GRIK1: variants seen among roughly 807,000 people sequenced by gnomAD.
GRIK1 encodes glutamate ionotropic receptor kainate type subunit 1.
A neutral mutation model predicts 105.7 loss-of-function variants in GRIK1; 69 were observed. That is an observed-to-expected ratio of 0.65 (90% CI 0.54 to 0.80). The LOEUF (loss-of-function observed/expected upper bound fraction) is 0.80. Among genes scored for constraint, GRIK1 ranks in the 30% least tolerant of loss-of-function variants. The pLI is 0.00. For missense variants in GRIK1, 1,109 were observed against 1,167.3 expected, an observed-to-expected ratio of 0.95 and a Z score of 0.73; for synonymous variants, 438 against 431.3, an observed-to-expected ratio of 1.02 and a Z score of -0.19.
At chr21:29,849,948 T>C (rs2068252553) in intron 1 of GRIK1, among the ~76,000 whole-genome samples, 1 of 152,152 alleles carries the variant, frequency 6.6e-6, no homozygotes, top group Non-Finnish European at 1.5e-5. Context: ...CCCCTGTTAC[T>C]GGAGATACTC....
At chr21:29,609,761 A>G (rs926178926) in intron 7 of GRIK1, among the ~76,000 whole-genome samples, 4 of 152,104 alleles carry the variant, frequency 2.6e-5, no homozygotes, top group Non-Finnish European at 5.9e-5. Flanking sequence ...ACTGAATTAC[A>G]CCATCTGCTT....
intron 7 of GRIK1, among the ~76,000 whole-genome samples, chr21:29,613,401 T>C (rs2061772008): frequency 6.6e-6 from 1 of 152,174 alleles, no homozygotes; most frequent in South Asian, 2.1e-4. Context: ...AGTACTTTAG[T>C]TAGCTTTAAA....
At chr21:29,754,827 A>C (rs920702982) in intron 1 of GRIK1, among the ~76,000 whole-genome samples, 2 of 152,168 alleles carry the variant, frequency 1.3e-5, no homozygotes, top group African/African-American at 4.8e-5. Flanking sequence ...CTCCCTGTGG[A>C]CTGCAGCATC....
intron 4 of GRIK1, chr21:29,657,460 A>G (rs2062876627): frequency 6.6e-6 from 1 of 152,200 alleles, no homozygotes. Context: ...CAGCGAATAA[A>G]CAGCCAACAG....
intron 1 of GRIK1, among the ~76,000 whole-genome samples, chr21:29,825,996 C>T (rs936117486): frequency 6.6e-6 from 1 of 152,084 alleles, no homozygotes; most frequent in Non-Finnish European, 1.5e-5. Context: ...CTCCTCTGTG[C>T]CTCCACAGGC....
chr21:29,785,208 A>C (rs915123712), intron 1 of GRIK1, among the ~76,000 whole-genome samples: 2 of 152,194 alleles, frequency 1.3e-5, no homozygotes, highest in African/African-American at 4.8e-5. Context: ...CACTGCTACA[A>C]GAAGATATCA....
chr21:29,554,646 A>T (rs1022064718), intron 16 of GRIK1, among the ~76,000 whole-genome samples: 1 of 152,190 alleles, frequency 6.6e-6, no homozygotes, highest in East Asian at 1.9e-4. Context: ...GCATTAGTAC[A>T]TGTGCTCAGA....
At chr21:29,690,232 A>G (rs966661907) in intron 2 of GRIK1, among the ~76,000 whole-genome samples, 4 of 151,972 alleles carry the variant, frequency 2.6e-5, no homozygotes, top group African/African-American at 7.3e-5. Flanking sequence ...AACAAGGCCA[A>G]CTCCCTGCTG....
chr21:29,781,793 C>T (rs935768806), intron 1 of GRIK1, among the ~76,000 whole-genome samples: 2 of 145,884 alleles, frequency 1.4e-5, no homozygotes, highest in Admixed American at 1.4e-4. Context: ...GCCTCAGCCT[C>T]CCCAGTAGCT....
intron 1 of GRIK1, among the ~76,000 whole-genome samples, chr21:29,848,763 A>G (rs982755729): frequency 1.1e-5 from 1 of 90,082 alleles, no homozygotes; most frequent in Admixed American, 1.2e-4. Flanking sequence ...GTGTATATAT[A>G]TATATATATA....
chr21:29,677,957 T>C (rs363544), intron 3 of GRIK1, among the ~76,000 whole-genome samples: 49,909 of 152,090 alleles, frequency 0.33, 12,957 homozygotes, highest in African/African-American at 0.73. Context: ...AATCCATTGC[T>C]GGATAGCTTT....
chr21:29,724,262 G>T (rs1376563215), intron 1 of GRIK1, among the ~76,000 whole-genome samples: 1 of 152,226 alleles, frequency 6.6e-6, no homozygotes, highest in Non-Finnish European at 1.5e-5. Flanking sequence ...TGTGGAAGAT[G>T]AGAATGAAAT....
chr21:29,691,656 G>A lies in GRIK1; in HGVS notation c.287-1671C>T, dbSNP rs185803759. Reference sequence around the variant, plus strand: ...TATTTTAATTCTGCAAATTTAGAACGGTCATCAGATAATTAAATATCAAAT... The same window carrying A: ...TATTTTAATTCTGCAAATTTAGAACAGTCATCAGATAATTAAATATCAAAT... On this transcript the variant is annotated intron_variant, in intron 2 of 17. Coordinates refer to ENST00000327783, the MANE Select transcript of GRIK1 (RefSeq NM_001330994.2). Among the ~76,000 whole-genome samples, 6 of 152,114 alleles carry A rather than the reference G, an allele frequency of 3.9e-5. No individual in the cohort carries two copies. The East Asian group carries it at 5.8e-4, about 15-fold the overall frequency.
intron 2 of GRIK1, 114 bp downstream of exon 2, chr21:29,693,782 C>T (rs530308700): frequency 5.7e-5 from 42 of 739,232 alleles, no homozygotes; most frequent in African/African-American, 3.3e-4. Flanking sequence ...AGATTTCCCG[C>T]GACCCATTTG....
At chr21:29,774,446 CTTTTTTTTTT>C (rs34378438) in intron 1 of GRIK1, among the ~76,000 whole-genome samples, 15 of 102,432 alleles carry the variant, frequency 1.5e-4, no homozygotes, top group African/African-American at 4.1e-4. Flanking sequence ...TTATTTTGCT[CTTTTTTTTTT>C]TTTTTTTTTT....
intron 1 of GRIK1, among the ~76,000 whole-genome samples, chr21:29,892,459 T>G (rs2069937990): frequency 6.6e-6 from 1 of 152,234 alleles, no homozygotes; most frequent in Admixed American, 6.5e-5. Flanking sequence ...GAGCTTGGAT[T>G]TGATACAAAG....
chr21:29,772,638 T>G (rs1347524448), intron 1 of GRIK1, among the ~76,000 whole-genome samples: 1 of 152,202 alleles, frequency 6.6e-6, no homozygotes, highest in Non-Finnish European at 1.5e-5. Flanking sequence ...AAAATTTTCC[T>G]CATTAAAATA....
chr21:29,625,743 T>C (rs1397430231), intron 7 of GRIK1, among the ~76,000 whole-genome samples: 2 of 152,204 alleles, frequency 1.3e-5, no homozygotes, highest in Admixed American at 6.5e-5. Context: ...ATGTCTCTCT[T>C]GTCTTATTAG....
chr21:29,811,991 T>C (rs1254982141), intron 1 of GRIK1, among the ~76,000 whole-genome samples: 1 of 152,102 alleles, frequency 6.6e-6, no homozygotes, highest in African/African-American at 2.4e-5. Flanking sequence ...TCCAAAACGA[T>C]CCCTTTTAAA....
Sources: allele counts gnomAD v4.1 joint callset (sites outside exome capture counted in the v4.1 genomes callset), GRCh38; gene constraint gnomAD v4.1.1; transcripts MANE v1.5; gene names NCBI Gene and HGNC (gene_info 2026-07-23, HGNC 2026-07-21).